The following IL1RAPL2 variants were observed in gnomAD, a reference collection of about 807,000 sequenced individuals.
IL1RAPL2 encodes interleukin 1 receptor accessory protein like 2.
Under a neutral mutation model 44.1 loss-of-function variants are expected in IL1RAPL2, and 3 were observed. The ratio of observed to expected loss-of-function variants is 0.07; its 90% confidence interval spans 0.03 to 0.18. The LOEUF is 0.18. IL1RAPL2 is among the 10% of genes least tolerant of loss of function. The pLI, the probability that IL1RAPL2 is intolerant of heterozygous loss-of-function variation, is 1.00. For synonymous variants in IL1RAPL2, 181 were observed against 178.8 expected, an observed-to-expected ratio of 1.01 and a Z score of -0.10; for missense variants, 391 against 496.4, an observed-to-expected ratio of 0.79 and a Z score of 2.02.
At chrX:104,889,212 C>A (rs1774082151) in intron 2 of IL1RAPL2, among the ~76,000 whole-genome samples, 1 of 111,285 alleles carries the variant, frequency 9.0e-6, no homozygotes, top group Non-Finnish European at 1.9e-5. Context: ...ACCATTCACC[C>A]CTGGACTCCC....
intron 2 of IL1RAPL2, among the ~76,000 whole-genome samples, chrX:104,686,171 T>G (rs1930984160): frequency 9.0e-6 from 1 of 111,106 alleles, no homozygotes; most frequent in African/African-American, 3.3e-5. Context: ...GTATTTAAGT[T>G]TAAAGGGTAC....
rs762667974 is a variant in IL1RAPL2 at position 105,493,629 on chromosome X, C to T, written c.772+9242C>T. 3.6e-5 allele frequency among the ~76,000 whole-genome samples: 4 copies of T among 111,199 alleles called. No homozygotes were observed. The East Asian group carries it at 1.1e-3, about 32-fold the overall frequency. ...AAATGGGCTCGGAGAATTTATACAA[C>T]TTGTCCCAGCTAGTAAGCAGCTTGA... is the stretch of plus-strand genomic sequence containing the variant. On this transcript the variant is annotated intron_variant, in intron 6 of 10. Transcript: ENST00000372582.
At chrX:105,540,483 C>T (rs370878110) in intron 6 of IL1RAPL2, among the ~76,000 whole-genome samples, 5 of 109,618 alleles carry the variant, frequency 4.6e-5, no homozygotes, top group African/African-American at 1.3e-4. Flanking sequence ...ATTGGGTACT[C>T]GTGGACATAA....
intron 5 of IL1RAPL2, among the ~76,000 whole-genome samples, chrX:105,452,278 CG>C (rs1270683768): frequency 1.8e-5 from 2 of 111,122 alleles, no homozygotes; most frequent in Non-Finnish European, 3.8e-5. Context: ...TTTTTGAGAC[CG>C]TTTATCTTTT....
chrX:104,951,513 A>C (rs2147710767), intron 2 of IL1RAPL2, among the ~76,000 whole-genome samples: 1 of 112,812 alleles, frequency 8.9e-6, no homozygotes, highest in African/African-American at 3.2e-5. Flanking sequence ...GTGAAAGTTA[A>C]AAATACTTGG....
chrX:104,822,770 T>C (rs1219650186), intron 2 of IL1RAPL2, among the ~76,000 whole-genome samples: 2 of 112,088 alleles, frequency 1.8e-5, no homozygotes, highest in East Asian at 5.6e-4. Flanking sequence ...AAATTTAAAG[T>C]CGTTTTTTTC....
chrX:105,172,413 C>T (rs1201178330), intron 2 of IL1RAPL2, among the ~76,000 whole-genome samples: 1 of 112,090 alleles, frequency 8.9e-6, no homozygotes, highest in Non-Finnish European at 1.9e-5. Flanking sequence ...AGTCAAGTGT[C>T]AGCCAGGCTC....
At chrX:104,692,898 T>C (rs1237153364) in intron 2 of IL1RAPL2, among the ~76,000 whole-genome samples, 1 of 111,663 alleles carries the variant, frequency 9.0e-6, no homozygotes, top group Non-Finnish European at 1.9e-5. Context: ...TTTCTAGTTC[T>C]AGATCTCTGA....
At chrX:105,470,153 G>C (rs1268842917) in intron 5 of IL1RAPL2, among the ~76,000 whole-genome samples, 1 of 111,350 alleles carries the variant, frequency 9.0e-6, no homozygotes, top group Non-Finnish European at 1.9e-5. Flanking sequence ...TGGAAGTTGT[G>C]ACTTTAGGAG....
intron 5 of IL1RAPL2, among the ~76,000 whole-genome samples, chrX:105,288,482 A>G (rs1218070622): frequency 1.8e-5 from 2 of 110,294 alleles, no homozygotes; most frequent in East Asian, 2.8e-4. Context: ...CTTTAAGGCA[A>G]TAAGGGATCC....
intron 2 of IL1RAPL2, among the ~76,000 whole-genome samples, chrX:105,013,086 A>G (rs906877671): frequency 9.0e-6 from 1 of 111,172 alleles, no homozygotes; most frequent in Non-Finnish European, 1.9e-5. Context: ...ATATTCTTAT[A>G]TTTGCTTTAC....
intron 7 of IL1RAPL2, among the ~76,000 whole-genome samples, chrX:105,723,100 C>G (rs976977172): frequency 4.5e-5 from 5 of 111,080 alleles, no homozygotes; most frequent in Non-Finnish European, 7.5e-5. Flanking sequence ...ATAGGCAATC[C>G]AGAGAAGCCA....
chrX:104,948,006 G>T (rs1325024709), intron 2 of IL1RAPL2, among the ~76,000 whole-genome samples: 1 of 111,062 alleles, frequency 9.0e-6, no homozygotes, highest in Non-Finnish European at 1.9e-5. Context: ...ATTACCTTGG[G>T]CAGTATGGCA....
At chrX:104,865,390 ATTG>A (rs1300301160) in intron 2 of IL1RAPL2, among the ~76,000 whole-genome samples, 2 of 111,680 alleles carry the variant, frequency 1.8e-5, no homozygotes, top group African/African-American at 3.3e-5. Context: ...TTATGACCTT[ATTG>A]TTGTTATTTG....
chrX:105,329,004 G>T (rs905097690), intron 5 of IL1RAPL2, among the ~76,000 whole-genome samples: 2 of 112,509 alleles, frequency 1.8e-5, no homozygotes, highest in South Asian at 3.6e-4. Flanking sequence ...TGGCTGTGCT[G>T]ACTGGTGTTT....
At chrX:104,843,122 A>G (rs183000564) in intron 2 of IL1RAPL2, among the ~76,000 whole-genome samples, 1 of 112,069 alleles carries the variant, frequency 8.9e-6, no homozygotes, top group Admixed American at 9.4e-5. Context: ...GGAGGAATCT[A>G]GAGAAGCAGT....
intron 2 of IL1RAPL2, among the ~76,000 whole-genome samples, chrX:104,905,602 T>A (rs1336239735): frequency 8.9e-6 from 1 of 111,793 alleles, no homozygotes; most frequent in Non-Finnish European, 1.9e-5. Flanking sequence ...TTGTCAAAGA[T>A]CAGATAGTTG....
intron 2 of IL1RAPL2, among the ~76,000 whole-genome samples, chrX:104,808,359 G>T (rs1467471032): frequency 9.0e-6 from 1 of 111,445 alleles, no homozygotes; most frequent in Admixed American, 9.6e-5. Context: ...CATAAATGGG[G>T]ACACTAAACA....
At chrX:104,830,353 C>T (rs1347251448) in intron 2 of IL1RAPL2, among the ~76,000 whole-genome samples, 1 of 111,434 alleles carries the variant, frequency 9.0e-6, no homozygotes, top group Non-Finnish European at 1.9e-5. Context: ...GGAAATATAT[C>T]ACTATGGTAT....
Sources: gnomAD v4.1 joint callset for allele counts (sites outside exome capture counted in the v4.1 genomes callset) on GRCh38, gnomAD v4.1.1 for gene constraint, MANE v1.5 for transcripts, NCBI Gene and HGNC (gene_info 2026-07-23, HGNC 2026-07-21) for gene names.